The following USH2A variants were observed in gnomAD, a reference collection of about 807,000 sequenced individuals.
The protein encoded by USH2A is Usher syndrome 2A (autosomal recessive, mild).
In USH2A, 443 loss-of-function variants were observed where a neutral mutation model predicts 538.9. The ratio of observed to expected loss-of-function variants is 0.82; its 90% CI spans 0.76 to 0.89. The LOEUF is 0.89. Ranked by LOEUF, USH2A falls within the 40% of genes least tolerant of loss-of-function variation. The pLI is 0.00. For synonymous variants in USH2A, 2,413 were observed against 2,273.5 expected (o/e 1.06, Z -1.75); for missense variants, 6,633 against 6,324.8 (o/e 1.05, Z -1.65).
At chr1:215,798,168 A>G (rs59708254) in intron 50 of USH2A, among the ~76,000 whole-genome samples, 6,980 of 152,252 alleles carry the variant, frequency 0.046, 264 homozygotes, top group South Asian at 0.14. Context: ...CAATCATAAA[A>G]CTAACAGATG....
rs543647295 is a variant in USH2A at position 216,308,468 on chromosome 1, C to T, written c.1644+13415G>A. 5.3e-5 allele frequency among the ~76,000 whole-genome samples: 8 copies of T among 152,102 alleles called. No homozygotes were observed. In the East Asian group the frequency reaches 1.2e-3, roughly 22 times the overall value. ...CACATGTCTTTACATGTATATTGAC[C>T]ATTTCAGTTGCCACTTCTGGCTTCT... On this transcript the variant is annotated intron_variant, in intron 9 of 71. Coordinates refer to ENST00000307340, the MANE Select transcript of USH2A (RefSeq NM_206933.4).
chr1:215,713,967 G>T (rs1386861911), intron 61 of USH2A, among the ~76,000 whole-genome samples: 1 of 152,212 alleles, frequency 6.6e-6, no homozygotes, highest in African/African-American at 2.4e-5. Flanking sequence ...ACCTCTCTGA[G>T]TTTCCATTTC....
intron 44 of USH2A, among the ~76,000 whole-genome samples, chr1:215,846,841 C>T (rs78514378): frequency 0.026 from 4,012 of 152,220 alleles, 76 homozygotes; most frequent in Non-Finnish European, 0.037. Flanking sequence ...ACAACATTCG[C>T]TAACTGATAC....
rs1229592633 is a variant in USH2A, at chr1:216,325,184, C to T, written c.1143+121G>A. 3 of 1,155,648 alleles carry T rather than the reference C, an allele frequency of 2.6e-6. No homozygotes were observed. In the East Asian group the frequency reaches 7.5e-5, roughly 29 times the overall value. 71.6% of individuals were successfully genotyped at this position (1,155,648 alleles called of 1,614,324 possible). On this transcript the variant is annotated intron_variant, in intron 6 of 71. Coordinates refer to ENST00000307340, the MANE Select transcript of USH2A (RefSeq NM_206933.4). ...TGTAGCCCTGCCAACATGTTGATTTCATATTTCTGATCTCCAGAACTGTTA... is the reference window on the plus strand; with the variant it reads ...TGTAGCCCTGCCAACATGTTGATTTTATATTTCTGATCTCCAGAACTGTTA...
intron 61 of USH2A, among the ~76,000 whole-genome samples, chr1:215,722,564 A>C (rs1259935489): frequency 6.6e-6 from 1 of 152,244 alleles, no homozygotes; most frequent in Non-Finnish European, 1.5e-5. Context: ...GTAAAGATAT[A>C]GGAAACAAAC....
intron 11 of USH2A, among the ~76,000 whole-genome samples, chr1:216,271,451 T>C (rs1013308073): frequency 5.9e-5 from 9 of 152,092 alleles, no homozygotes; most frequent in Non-Finnish European, 1.2e-4. Flanking sequence ...CCACTGTCTA[T>C]ACAGTGGCAT....
intron 32 of USH2A, among the ~76,000 whole-genome samples, chr1:216,002,584 G>A (rs1051118191): frequency 6.6e-6 from 1 of 152,116 alleles, no homozygotes; most frequent in Non-Finnish European, 1.5e-5. Context: ...TATATTCCAT[G>A]TGGCCAAATC....
chr1:216,344,207 A>G (rs2038130697), intron 4 of USH2A, among the ~76,000 whole-genome samples: 1 of 152,126 alleles, frequency 6.6e-6, no homozygotes, highest in Admixed American at 6.6e-5. Flanking sequence ...CAAAAAATAT[A>G]AAGGACAAGA....
At chr1:215,775,832 T>A (rs1216317542) in intron 55 of USH2A, among the ~76,000 whole-genome samples, 1 of 152,250 alleles carries the variant, frequency 6.6e-6, no homozygotes. Context: ...TTTCATTAAC[T>A]TCTAGGAAGA....
rs542779306 is a variant in USH2A, at chr1:216,330,130, G to T, written c.785-2476C>A. Among the ~76,000 whole-genome samples, 7 of 152,094 alleles carry T rather than the reference G, an allele frequency of 4.6e-5. No individual in the cohort carries two copies. The East Asian group carries it at 1.2e-3, about 25-fold the overall frequency. ...CTGAACCATGGCTTTAAATGTCAGG[G>T]TGGCTTCATTCTTTTACGTATTGAT... is the stretch of plus-strand genomic sequence containing the variant. On this transcript the variant is annotated intron_variant, in intron 4 of 71. Transcript: ENST00000307340.
chr1:215,779,073 A>T (rs997151014), intron 55 of USH2A, among the ~76,000 whole-genome samples: 1 of 152,178 alleles, frequency 6.6e-6, no homozygotes, highest in Non-Finnish European at 1.5e-5. Context: ...TGGAGCCTAC[A>T]TTCAAGTGTG....
At chr1:215,933,605 T>C (rs1666416942) in intron 38 of USH2A, among the ~76,000 whole-genome samples, 1 of 151,986 alleles carries the variant, frequency 6.6e-6, no homozygotes, top group African/African-American at 2.4e-5. Flanking sequence ...GGGGAGCGGT[T>C]CCATACAAAC....
intron 13 of USH2A, among the ~76,000 whole-genome samples, chr1:216,238,701 T>C (rs966383333): frequency 6.6e-6 from 1 of 152,240 alleles, no homozygotes; most frequent in Non-Finnish European, 1.5e-5. Flanking sequence ...GTTAGGTTAA[T>C]AATACATGAG....
chr1:215,992,991 T>C, intron 35 of USH2A, 29 bp downstream of exon 35: 1 of 1,614,026 alleles, frequency 6.2e-7, no homozygotes, highest in Admixed American at 1.7e-5. Flanking sequence ...AATCATCTTT[T>C]TAACTTGAGG....
Position 215,675,064 on chromosome 1 carries a change from T to C in USH2A, c.12847A>G (p.Ile4283Val), listed in dbSNP as rs1349156363. 2.5e-6 allele frequency: 4 copies of C among 1,614,140 alleles called. No individual in the cohort carries two copies. The highest frequency in any genetic ancestry group is 3.4e-6 in the Non-Finnish European group (4 of 1,180,042). ...GACTGTTCTGGTGGGATCCAGGAAA[T>C]CAGCAGTTTTTGGGGATTCATAGAA... ...YVSMNPQKLL[I>V]SWIPPEQSNG... Residue 4283 changes from isoleucine to valine, a missense_variant, in exon 63 of 72, where the codon ATT becomes GTT. Transcript: ENST00000307340.
rs145701520 is a variant in USH2A at position 215,821,281 on chromosome 1, C to A, written c.9372-4086G>T. Among the ~76,000 whole-genome samples, 284 of 151,752 alleles carry A rather than the reference C, an allele frequency of 1.9e-3. 2 individuals are homozygous for A. The South Asian group carries it at 0.02, about 11-fold the overall frequency. On this transcript the variant is annotated intron_variant, in intron 47 of 71. Transcript: ENST00000307340. ...TTCCTGCTTTTTTATTTTATCAAAG[C>A]CATTTTATCTGGGTGACATAATATT...
At chr1:215,755,900 A>C (rs1225231419) in intron 58 of USH2A, among the ~76,000 whole-genome samples, 3 of 152,136 alleles carry the variant, frequency 2.0e-5, no homozygotes, top group Non-Finnish European at 4.4e-5. Context: ...TTGAATTCAA[A>C]GAAAAAAATG....
intron 32 of USH2A, 147 bp downstream of exon 32, chr1:216,046,284 T>A: frequency 1.3e-6 from 1 of 798,812 alleles, no homozygotes; most frequent in East Asian, 2.7e-5. Flanking sequence ...TTTTTAATTG[T>A]TCTGTTGTTA....
intron 37 of USH2A, among the ~76,000 whole-genome samples, chr1:215,940,429 C>T (rs1365406575): frequency 3.3e-5 from 5 of 151,964 alleles, no homozygotes; most frequent in Non-Finnish European, 1.5e-5. Flanking sequence ...TTATTTATTC[C>T]TTCTAAAAAT....
Sources: gnomAD v4.1 joint callset for allele counts (sites outside exome capture counted in the v4.1 genomes callset) on GRCh38, gnomAD v4.1.1 for gene constraint, MANE v1.5 for transcripts, NCBI Gene and HGNC (gene_info 2026-07-23, HGNC 2026-07-21) for gene names.